The following SNW1 variants were observed in gnomAD, a reference collection of about 807,000 sequenced individuals.
SNW1 encodes SNW domain containing 1, also known as SNW domain-containing protein 1.
In SNW1, 9 loss-of-function variants were observed where a neutral mutation model predicts 75.6. The observed-to-expected ratio is 0.12, with a 90% CI of 0.07 to 0.21. The LOEUF is 0.21. Among genes scored for constraint, SNW1 ranks in the 10% least tolerant of loss-of-function variants. The probability of loss-of-function intolerance (pLI) is 1.00; values close to 1 mark genes in which losing one functional copy is unlikely to be tolerated. For missense variants in SNW1, 409 were observed against 670.9 expected (o/e 0.61, Z 4.31); for synonymous variants, 200 against 219.1 (o/e 0.91, Z 0.77).
At chr14:77,740,795 G>A (rs1237412187) in intron 3 of SNW1, among the ~76,000 whole-genome samples, 3 of 151,976 alleles carry the variant, frequency 2.0e-5, no homozygotes, top group East Asian at 1.9e-4. Context: ...TCTGTCTCCC[G>A]TATTAAAACA....
intron 5 of SNW1, 105 bp downstream of exon 5, chr14:77,738,673 A>C: frequency 1.3e-6 from 1 of 759,306 alleles, no homozygotes; most frequent in Non-Finnish European, 2.2e-6. Flanking sequence ...TATTGAAAAC[A>C]ATGCATTTAT....
At chr14:77,719,921 A>G (rs1033752478) in intron 12 of SNW1, among the ~76,000 whole-genome samples, 1 of 152,194 alleles carries the variant, frequency 6.6e-6, no homozygotes, top group Middle Eastern at 3.2e-3. Context: ...TAGAACTTAC[A>G]CTTCTGTATT....
chr14:77,751,254 G>A (rs61990684), intron 3 of SNW1, 65 bp downstream of exon 3: 140,768 of 1,467,482 alleles, frequency 0.096, 7,880 homozygotes, highest in African/African-American at 0.22. Flanking sequence ...GAGATTTATC[G>A]TGTCCACAAA....
At chr14:77,720,279 C>T (rs558138014) in intron 12 of SNW1, among the ~76,000 whole-genome samples, 1 of 152,022 alleles carries the variant, frequency 6.6e-6, no homozygotes. Context: ...GGATTACAGG[C>T]GTGCACCACC....
At chr14:77,718,330 A>C in intron 13 of SNW1, 37 bp downstream of exon 13, 1 of 1,614,218 alleles carries the variant, frequency 6.2e-7, no homozygotes, top group Non-Finnish European at 8.5e-7. Flanking sequence ...TGCTTTCACC[A>C]GTGTAAACAC....
chr14:77,731,080 T>C lies in SNW1; in HGVS notation c.941A>G (p.Gln314Arg). The change falls in exon 10 of 14, where the codon CAG becomes CGG. Residue 314 changes from glutamine to arginine, a missense_variant. Around this residue, in one of 9 missense-constraint regions of SNW1, gnomAD observed 37 missense variants for 110.0 expected, o/e 0.34. Transcript: ENST00000261531. ...MRAQVERKMA[Q>R]KEKEKHEEKL... ...CTCTTCATGTTTTTCCTTTTCTTTC[T>C]GAGCCATTTTTCTCTCTACTTGGGC... 1.2e-6 allele frequency: 2 copies of C among 1,614,120 alleles called. No individual in the cohort carries two copies. Among genetic ancestry groups the C allele is most frequent in the African/African-American group, 1.3e-5 (1 of 75,060 alleles).
In SNW1 at chr14:77,717,696, T is replaced by G. The variant is rs2080499524; in HGVS notation, c.*392A>C. 1 of 761,242 alleles carries G rather than the reference T, an allele frequency of 1.3e-6. No individual in the cohort carries two copies. The highest frequency in any genetic ancestry group is 1.8e-5 in the African/African-American group (1 of 56,906). 47.2% of individuals were successfully genotyped at this position (761,242 alleles called of 1,614,324 possible). ...AAACAGAGCACAATAGGGGCAAAAT[T>G]TATTTGGCAGGACAGTTCCAGTATG... On this transcript the variant is annotated 3_prime_UTR_variant, in exon 14 of 14. Transcript: ENST00000261531.
Position 77,723,244 on chromosome 14 carries a change from C to T in SNW1, c.1067G>A (p.Arg356Gln). The change falls in exon 11 of 14, where the codon CGG (arginine) becomes CAG (glutamine). Residue 356 changes from arginine to glutamine, a missense_variant. Physicochemically the swap from Arg to Gln is conservative, Grantham distance 43 (BLOSUM62 1). Transcript: ENST00000261531. The part of the protein sequence containing the change: ...DGEARERDEI[R>Q]HDRRKERQHD... ...CTGTCTCTCTTTTCGCCTGTCATGCCGGATTTCATCCCTCTCACGTGCCTC... is the reference window on the plus strand; with the variant it reads ...CTGTCTCTCTTTTCGCCTGTCATGCTGGATTTCATCCCTCTCACGTGCCTC... 2 of 1,614,122 alleles carry T rather than the reference C, an allele frequency of 1.2e-6. No individual in the cohort carries two copies. Among genetic ancestry groups the T allele is most frequent in the Non-Finnish European group, 1.7e-6 (2 of 1,180,024 alleles).
At chr14:77,753,466 A>T (rs1012700115) in intron 2 of SNW1, among the ~76,000 whole-genome samples, 4 of 152,128 alleles carry the variant, frequency 2.6e-5, no homozygotes, top group African/African-American at 9.7e-5. Context: ...GCCTCCCATA[A>T]ATAACACTAT....
intron 6 of SNW1, 42 bp from the exon 7 acceptor site, chr14:77,736,048 C>G (rs1270037491): frequency 7.0e-7 from 1 of 1,434,276 alleles, no homozygotes; most frequent in Admixed American, 1.8e-5. Context: ...ATAGTTTCCT[C>G]CCTTTTAGTC....
At chr14:77,755,297 G>C (rs1408388333) in intron 1 of SNW1, among the ~76,000 whole-genome samples, 177 bp from the exon 2 acceptor site, 2 of 152,180 alleles carry the variant, frequency 1.3e-5, no homozygotes, top group African/African-American at 4.8e-5. Flanking sequence ...ATATGTGGAA[G>C]ACAGAAGTAC....
rs148229403 is a variant in SNW1, at chr14:77,723,041, G to A, written c.1130+140C>T. ...TTTTTGTACTTTTAGTAGACACAGG[G>A]TTTCATCGTGTTAGCCAGGATGGTC... On this transcript the variant is annotated intron_variant, in intron 11 of 13. Transcript: ENST00000261531. The A allele has an allele frequency of 4.8e-3, 3,228 of 677,110 alleles. 83 individuals are homozygous for A. In the African/African-American group the frequency reaches 0.05, roughly 11 times the overall value. The allele number at this position is 677,110 out of a possible 1,614,324, so 41.9% of individuals were successfully genotyped here.
In SNW1 at chr14:77,717,866, T is replaced by C. The variant is rs979888439; in HGVS notation, c.*222A>G. ...GTGGGGCAGCATGTTCTATAAATGC[T>C]GAAAGGTGGGAGAAGCACAAACACA... On this transcript the variant is annotated 3_prime_UTR_variant, in exon 14 of 14. Transcript: ENST00000261531. The C allele has an allele frequency of 1.8e-6, 1 of 550,802 alleles. No individual in the cohort carries two copies. Among genetic ancestry groups the C allele is most frequent in the Non-Finnish European group, 3.2e-6 (1 of 315,456 alleles). The allele number at this position is 550,802 out of a possible 1,614,324, so 34.1% of individuals were successfully genotyped here.
intron 10 of SNW1, among the ~76,000 whole-genome samples, chr14:77,728,800 T>A (rs1023245749): frequency 6.6e-6 from 1 of 152,194 alleles, no homozygotes; most frequent in African/African-American, 2.4e-5. Flanking sequence ...TATCACTACA[T>A]AGGGTTATCC....
intron 2 of SNW1, among the ~76,000 whole-genome samples, chr14:77,751,731 G>A (rs189023621): frequency 1.3e-5 from 2 of 151,888 alleles, no homozygotes; most frequent in Non-Finnish European, 2.9e-5. Flanking sequence ...TTTTGATAGG[G>A]TGGTTGGGGA....
At chr14:77,751,187 A>G in intron 3 of SNW1, 132 bp downstream of exon 3, 1 of 859,944 alleles carries the variant, frequency 1.2e-6, no homozygotes, top group Non-Finnish European at 1.8e-6. Flanking sequence ...AGCTGGGAAT[A>G]TAGGTACGAG....
chr14:77,745,182 G>T (rs968694307), intron 3 of SNW1, among the ~76,000 whole-genome samples: 1 of 152,130 alleles, frequency 6.6e-6, no homozygotes, highest in Admixed American at 6.5e-5. Context: ...GATAAACATT[G>T]AGAGTAGAGA....
chr14:77,731,273 CCACTAAAAGATAT>C, intron 9 of SNW1, 144 bp from the exon 10 acceptor site: 1 of 899,862 alleles, frequency 1.1e-6, no homozygotes, highest in Admixed American at 3.1e-5. Context: ...AGAGTCTTGT[CCACTAAAAGATAT>C]CCTGCCTGGA....
intron 3 of SNW1, among the ~76,000 whole-genome samples, chr14:77,741,562 T>C (rs559665696): frequency 2.6e-5 from 4 of 152,178 alleles, no homozygotes; most frequent in Admixed American, 6.5e-5. Context: ...TGTGAGTTAT[T>C]AGTGTCACCA....
Sources: allele counts gnomAD v4.1 joint callset (sites outside exome capture counted in the v4.1 genomes callset), GRCh38; gene constraint gnomAD v4.1.1; regional missense constraint gnomAD v4.1.1; transcripts MANE v1.5; gene names NCBI Gene and HGNC (gene_info 2026-07-23, HGNC 2026-07-21).